The following SNRPN variants were observed in gnomAD, a reference collection of about 807,000 sequenced individuals.
SNRPN encodes the protein small nuclear ribonucleoprotein polypeptide N, also known as small nuclear ribonucleoprotein-associated protein N.
A neutral mutation model predicts 25.2 loss-of-function variants in SNRPN; 7 were observed. The ratio of observed to expected loss-of-function variants is 0.28; its 90% CI spans 0.16 to 0.52. The LOEUF (loss-of-function observed/expected upper bound fraction) is 0.52, where lower values mean the gene tolerates loss of function less well. SNRPN is among the 20% of genes least tolerant of loss of function. The pLI is 0.96. For missense variants in SNRPN, 196 were observed against 322.5 expected (o/e 0.61, Z 3.00); for synonymous variants, 124 against 110.6 (o/e 1.12, Z -0.76).
chr15:24,955,405 A>G (rs1230664231), intron 1 of SNRPN, among the ~76,000 whole-genome samples: 1 of 151,862 alleles, frequency 6.6e-6, no homozygotes, highest in Admixed American at 6.6e-5. Flanking sequence ...GGAGGTGGGT[A>G]CATCAGGGTG....
chr15:24,906,116 TTTTTTG>T (rs1236304083), intron 2 of SNRPN, among the ~76,000 whole-genome samples: 1 of 152,084 alleles, frequency 6.6e-6, no homozygotes, highest in East Asian at 1.9e-4. Flanking sequence ...AATCCTGGGT[TTTTTTG>T]TTTTTGTTTT....
At position 24,944,578 on chromosome 15, in the gene SNRPN, G is replaced by A. The variant is rs150997286; in HGVS notation, c.-390-17536G>A. 2.0e-3 allele frequency among the ~76,000 whole-genome samples: 302 copies of A among 152,210 alleles called. 2 individuals are homozygous for A. The highest frequency in any genetic ancestry group is 7.0e-3 in the African/African-American group (291 of 41,542). The stretch of plus-strand genomic sequence containing the variant: ...TTAGCTAGTGTTCTTTTGATTACTC[G>A]TAATTAATGCCTTTAAATCTAGTTA... On this transcript the variant is annotated intron_variant, in intron 3 of 11. Transcript: ENST00000400097.
intron 2 of SNRPN, among the ~76,000 whole-genome samples, chr15:24,839,332 G>GC (rs1240152453): frequency 2.0e-5 from 3 of 152,028 alleles, no homozygotes; most frequent in Non-Finnish European, 2.9e-5. Context: ...ATGCTTCTTG[G>GC]TGAGACTGAG....
intron 2 of SNRPN, chr15:24,850,352 C>T (rs2052697812): frequency 6.6e-6 from 1 of 152,008 alleles, no homozygotes; most frequent in Admixed American, 6.6e-5. Context: ...TCTTTGTTGT[C>T]CAGGCTGGAG....
At chr15:24,877,697 A>ACACACACACACAC (rs1566858064) in intron 1 of SNRPN, among the ~76,000 whole-genome samples, 71 of 113,930 alleles carry the variant, frequency 6.2e-4, no homozygotes, top group African/African-American at 1.7e-3. Flanking sequence ...CACACACACA[A>ACACACACACACAC]ACACACTAGC....
intron 1 of SNRPN, among the ~76,000 whole-genome samples, chr15:24,879,476 G>A (rs1321187171): frequency 1.3e-5 from 2 of 151,972 alleles, no homozygotes; most frequent in East Asian, 3.9e-4. Context: ...ACATTTAATT[G>A]AAGCTCAGAA....
intron 2 of SNRPN, among the ~76,000 whole-genome samples, chr15:24,965,006 T>C (rs551585607): frequency 6.6e-6 from 1 of 152,306 alleles, no homozygotes; most frequent in South Asian, 2.1e-4. Context: ...GGAAATAGTA[T>C]AATTTTTCCC....
chr15:24,919,212 G>C (rs1027486317), intron 2 of SNRPN, among the ~76,000 whole-genome samples: 1 of 151,488 alleles, frequency 6.6e-6, no homozygotes, highest in Admixed American at 6.6e-5. Flanking sequence ...GGCGGATCAC[G>C]AGGTCAGGAG....
chr15:24,825,185 T>C lies in SNRPN; in HGVS notation c.-687+1335T>C, dbSNP rs147410672. 6.8e-3 allele frequency among the ~76,000 whole-genome samples: 1,033 copies of C among 152,172 alleles called. 24 individuals are homozygous for C. Among genetic ancestry groups the C allele is most frequent in the African/African-American group, 0.023 (963 of 41,444 alleles). ...AGGCACTCGGGGTTTCAATACCCTA[T>C]ACAGAAAATCTCAAGAGCAGACCTT... On this transcript the variant is annotated intron_variant, in intron 1 of 12. Transcript: ENST00000400100.
chr15:24,844,507 C>CT (rs1433739106), intron 2 of SNRPN, among the ~76,000 whole-genome samples: 1 of 151,476 alleles, frequency 6.6e-6, no homozygotes. Context: ...TTAATTTTGA[C>CT]TAAGAATAAT....
chr15:24,961,631 G>A (rs901387631), intron 1 of SNRPN, among the ~76,000 whole-genome samples: 2 of 151,798 alleles, frequency 1.3e-5, no homozygotes, highest in Non-Finnish European at 2.9e-5. Context: ...CCTAAAGAAA[G>A]CACCATTTGC....
At chr15:24,884,841 A>G (rs946153385) in intron 1 of SNRPN, among the ~76,000 whole-genome samples, 1 of 152,166 alleles carries the variant, frequency 6.6e-6, no homozygotes, top group Non-Finnish European at 1.5e-5. Flanking sequence ...CCAGACCCCA[A>G]AAGAGGGTTC....
intron 3 of SNRPN, among the ~76,000 whole-genome samples, chr15:24,922,897 T>TTTTTC (rs1834336592): frequency 8.3e-6 from 1 of 120,652 alleles, no homozygotes; most frequent in Non-Finnish European, 1.7e-5. Context: ...ATCCTTTTTT[T>TTTTTC]TTTTTTTTTT....
In SNRPN at chr15:24,835,928, G is replaced by A. The variant is rs947207913; in HGVS notation, c.-579+6023G>A. Among the ~76,000 whole-genome samples, 9 of 152,098 alleles carry A rather than the reference G, an allele frequency of 5.9e-5. No individual in the cohort carries two copies. The South Asian group carries it at 1.9e-3, about 32-fold the overall frequency. ...CATCTTCCCTCTTCGGCCTCCCAAA[G>A]GGATCAGTTTCTGAAGTGAGATGAG... On this transcript the variant is annotated intron_variant, in intron 2 of 12. Coordinates refer to the SNRPN transcript ENST00000400100.
intron 3 of SNRPN, among the ~76,000 whole-genome samples, chr15:24,942,656 G>A (rs1229700652): frequency 1.3e-5 from 2 of 152,200 alleles, no homozygotes; most frequent in Non-Finnish European, 2.9e-5. Context: ...GTAAGCATCT[G>A]TTCTAGTCAG....
At chr15:24,860,699 A>C (rs1483425199) in intron 1 of SNRPN, among the ~76,000 whole-genome samples, 1 of 152,214 alleles carries the variant, frequency 6.6e-6, no homozygotes, top group Non-Finnish European at 1.5e-5. Context: ...AAAGTGTTGA[A>C]TATCTCATGC....
In SNRPN at chr15:24,867,536, A is replaced by G. The variant is rs573122851; in HGVS notation, c.-579+10820A>G. Among the ~76,000 whole-genome samples, 1,277 of 152,028 alleles carry G rather than the reference A, an allele frequency of 8.4e-3. 17 individuals are homozygous for G. Among genetic ancestry groups the G allele is most frequent in the African/African-American group, 0.029 (1,200 of 41,476 alleles). On this transcript the variant is annotated intron_variant, in intron 1 of 11. Transcript: ENST00000400097. ...ACTACAGGCGCCCGCCACCACGCTC[A>G]GCTAATTTTTTGTATTTTTAGTAGA...
intron 1 of SNRPN, among the ~76,000 whole-genome samples, chr15:24,882,848 A>ATATC (rs60945739): frequency 1.5e-5 from 2 of 131,806 alleles, no homozygotes; most frequent in Admixed American, 8.5e-5. Context: ...ATATATATAT[A>ATATC]GTGAGTTGAA....
At chr15:24,882,152 TTAAA>T (rs1207811515) in intron 1 of SNRPN, among the ~76,000 whole-genome samples, 7 of 152,198 alleles carry the variant, frequency 4.6e-5, no homozygotes, top group Non-Finnish European at 7.3e-5. Flanking sequence ...GTGCGAATGA[TTAAA>T]TATTAAATAC....
Sources: allele counts gnomAD v4.1 joint callset (sites outside exome capture counted in the v4.1 genomes callset), GRCh38; gene constraint gnomAD v4.1.1; transcripts MANE v1.5; gene names NCBI Gene and HGNC (gene_info 2026-07-23, HGNC 2026-07-21).